CFAP251: variants seen among roughly 807,000 people sequenced by gnomAD.
The protein encoded by CFAP251 is cilia and flagella associated protein 251.
CFAP251 carries 93 observed loss-of-function variants against 126.7 expected under a neutral mutation model. The ratio of observed to expected loss-of-function variants is 0.73; its 90% CI spans 0.62 to 0.87. The LOEUF (loss-of-function observed/expected upper bound fraction) is 0.87, where lower values mean the gene tolerates loss of function less well. CFAP251 is among the 40% of genes least tolerant of loss of function. CFAP251 has a pLI of 0.00. For missense variants in CFAP251, 1,287 were observed against 1,389.2 expected (o/e 0.93, Z 1.17); for synonymous variants, 503 against 506.9 (o/e 0.99, Z 0.10).
At chr12:121,959,783 C>T (rs1881862009) in intron 13 of CFAP251, 1 of 152,184 alleles carries the variant, frequency 6.6e-6, no homozygotes, top group South Asian at 2.1e-4. Flanking sequence ...ATACTTTCTT[C>T]CCCGCTACCT....
chr12:122,002,572 T>G (rs954492321), intron 21 of CFAP251, among the ~76,000 whole-genome samples: 24 of 151,884 alleles, frequency 1.6e-4, no homozygotes, highest in African/African-American at 5.6e-4. Context: ...GAGAAAGATT[T>G]GGAGAAGGAG....
intron 15 of CFAP251, among the ~76,000 whole-genome samples, chr12:121,963,301 A>T (rs941543229): frequency 1.3e-5 from 2 of 152,084 alleles, no homozygotes; most frequent in Non-Finnish European, 2.9e-5. Flanking sequence ...AGAAGAATGG[A>T]CTGGACCTTT....
chr12:121,969,035 C>A lies in CFAP251; in HGVS notation c.2771+866C>A, dbSNP rs996947361. 4.1e-6 allele frequency: 4 copies of A among 985,142 alleles called. No homozygotes were observed. The African/African-American group carries it at 7.0e-5, about 17-fold the overall frequency. The allele number at this position is 985,142 out of a possible 1,614,324, so 61.0% of individuals were successfully genotyped here. Reference sequence around the variant, plus strand: ...CTGTTCCTGACCACTTCTCCAAGCCCCTGCGCTGCCTGTGGCTCGGCTGGG... The same window carrying A: ...CTGTTCCTGACCACTTCTCCAAGCCACTGCGCTGCCTGTGGCTCGGCTGGG... On this transcript the variant is annotated intron_variant, in intron 17 of 21. Coordinates refer to ENST00000288912, the MANE Select transcript of CFAP251 (RefSeq NM_144668.6).
At chr12:121,968,742 T>C (rs1289071838) in intron 17 of CFAP251, 1 of 251,612 alleles carries the variant, frequency 4.0e-6, no homozygotes. Flanking sequence ...AAAATGAGGG[T>C]GATAGCATGT....
At chr12:121,920,380 C>T (rs187510681) in intron 1 of CFAP251, among the ~76,000 whole-genome samples, 2 of 146,246 alleles carry the variant, frequency 1.4e-5, no homozygotes, top group Non-Finnish European at 3.0e-5. Context: ...GGCACCACCA[C>T]CACACCAGGC....
chr12:121,960,409 G>A (rs186416157), intron 13 of CFAP251, among the ~76,000 whole-genome samples, 176 bp from the exon 14 acceptor site: 1 of 152,172 alleles, frequency 6.6e-6, no homozygotes, highest in African/African-American at 2.4e-5. Context: ...GTAGAGATGG[G>A]GTTTTGCCAT....
chr12:121,940,838 C>T (rs1881081861), intron 5 of CFAP251, among the ~76,000 whole-genome samples: 1 of 152,066 alleles, frequency 6.6e-6, no homozygotes, highest in African/African-American at 2.4e-5. Context: ...TTCAGAGGAA[C>T]CATTGCTTAC....
chr12:121,971,889 G>A (rs1178870598), intron 17 of CFAP251: 2 of 403,952 alleles, frequency 5.0e-6, no homozygotes, highest in Non-Finnish European at 9.3e-6. Flanking sequence ...CCCCCATGTT[G>A]TTCTCGTGGT....
intron 14 of CFAP251, among the ~76,000 whole-genome samples, chr12:121,961,716 G>T (rs1046255429): frequency 1.3e-5 from 2 of 152,342 alleles, no homozygotes; most frequent in African/African-American, 4.8e-5. Flanking sequence ...GTACCCCTTT[G>T]CAGGGAAGTT....
chr12:121,992,737 G>A (rs1326199430), intron 19 of CFAP251, among the ~76,000 whole-genome samples: 3 of 151,592 alleles, frequency 2.0e-5, no homozygotes, highest in African/African-American at 4.8e-5. Context: ...GCGCCACCAC[G>A]CCAAGCTAAT....
intron 19 of CFAP251, among the ~76,000 whole-genome samples, chr12:121,980,968 C>T (rs972500101): frequency 9.9e-5 from 15 of 152,278 alleles, no homozygotes; most frequent in South Asian, 2.1e-4. Context: ...GCTGCGCTCT[C>T]GTAGGGGTGT....
rs1257791444 is a variant in CFAP251, at chr12:121,942,614, A to G, written c.1079A>G (p.Tyr360Cys). The G allele has an allele frequency of 2.5e-6, 4 of 1,613,246 alleles. No individual in the cohort carries two copies. Among genetic ancestry groups the G allele is most frequent in the South Asian group, 1.1e-5 (1 of 91,072 alleles). The change falls in exon 6 of 22, where the codon TAT (tyrosine) becomes TGT (cysteine). Residue 360 changes from tyrosine (Y) to cysteine (C), a missense_variant. Tyr to Cys is a radical substitution (Grantham distance 194). Coordinates refer to ENST00000288912, the MANE Select transcript of CFAP251 (RefSeq NM_144668.6). ...MAMAMTHDAK[Y>C]LATISDAEVQ... ...ATGGCCATGACCCACGACGCCAAGT[A>G]TCTGGCAACCATCTCAGATGCTGAA...
intron 4 of CFAP251, chr12:121,933,070 A>G (rs1880755159): frequency 1.3e-5 from 2 of 152,278 alleles, no homozygotes; most frequent in Admixed American, 1.3e-4. Context: ...TAATGAACAA[A>G]ACAGATGTAT....
rs530724350 is a variant in CFAP251, at chr12:121,971,817, C to T, written c.2772-3427C>T. 6.5e-5 allele frequency: 34 copies of T among 523,698 alleles called. 1 individual carries two copies. The highest frequency in any genetic ancestry group is 5.4e-4 in the South Asian group (26 of 48,564). 32.4% of individuals were successfully genotyped at this position (523,698 alleles called of 1,614,324 possible). On this transcript the variant is annotated intron_variant, in intron 17 of 21. Transcript: ENST00000288912. ...TCTTGAATTGTACTCCGATAATTCC[C>T]GTGTATGGTGGGAGGGACCTGGTGG...
chr12:121,941,963 A>G (rs11832557), intron 5 of CFAP251, among the ~76,000 whole-genome samples: 9,143 of 152,098 alleles, frequency 0.06, 900 homozygotes, highest in African/African-American at 0.21. Context: ...ATCTTTTCAT[A>G]TTTACATCCT....
rs868465781 is a variant in CFAP251, at chr12:121,974,361, G to T, written c.2772-883G>T. On this transcript the variant is annotated intron_variant, in intron 17 of 21. Transcript: ENST00000288912. This position sits in a 1 kb window ranked among gnomAD's most constrained non-coding sequence, Gnocchi z 4.6. ...CAGCATGAAAACAGACTAGAATACC[G>T]TGTCTGCGTTTATTTATTAATTCTT... Among the ~76,000 whole-genome samples, 1 of 152,114 alleles carries T rather than the reference G, an allele frequency of 6.6e-6. No homozygotes were observed. Among genetic ancestry groups the T allele is most frequent in the Non-Finnish European group, 1.5e-5 (1 of 68,012 alleles).
At position 121,934,270 on chromosome 12, in the gene CFAP251, C is replaced by T. The variant is rs78614343; in HGVS notation, c.912C>T (p.Cys304=). The change falls in exon 5 of 22, where the codon TGC becomes TGT. Residue 304 remains cysteine, a synonymous_variant. Transcript: ENST00000288912. ...AGGGCCACGCCAATATTATCTCCTG[C>T]CTCTGCGTCAGTGAAGACAGGCGGT... is the stretch of plus-strand genomic sequence containing the variant. ...HLQGHANIIS[C]LCVSEDRRWI... The T allele has an allele frequency of 0.048, 77,936 of 1,611,810 alleles. 2,198 individuals carry two copies. Among genetic ancestry groups the T allele is most frequent in the African/African-American group, 0.058 (4,348 of 75,026 alleles).
intron 19 of CFAP251, among the ~76,000 whole-genome samples, chr12:121,986,837 T>C (rs1882761306): frequency 6.6e-6 from 1 of 152,072 alleles, no homozygotes; most frequent in African/African-American, 2.4e-5. Context: ...CAGTGGCATC[T>C]GCCCTCCTTA....
chr12:121,961,326 C>T (rs1238796090), intron 14 of CFAP251, among the ~76,000 whole-genome samples: 1 of 145,730 alleles, frequency 6.9e-6, no homozygotes, highest in Non-Finnish European at 1.5e-5. Flanking sequence ...CCCGCCCCTC[C>T]CTTCTTTCTC....
Sources: gnomAD v4.1 joint callset for allele counts (sites outside exome capture counted in the v4.1 genomes callset) on GRCh38, gnomAD v4.1.1 for gene constraint, Gnocchi (gnomAD v3.1) non-coding constraint, MANE v1.5 for transcripts, NCBI Gene and HGNC (gene_info 2026-07-23, HGNC 2026-07-21) for gene names.